The following ARHGAP15 variants were observed in gnomAD, a reference collection of about 807,000 sequenced individuals.
ARHGAP15 encodes the protein Rho GTPase activating protein 15.
A neutral mutation model predicts 63.7 loss-of-function variants in ARHGAP15; 51 were observed. The observed-to-expected ratio is 0.80, with a 90% CI of 0.64 to 1.01. The LOEUF is 1.01. Ranked by LOEUF, ARHGAP15 falls within the 50% of genes least tolerant of loss-of-function variation. ARHGAP15 has a pLI of 0.00. For missense variants in ARHGAP15, 560 were observed against 564.6 expected (o/e 0.99, Z 0.08); for synonymous variants, 191 against 193.8 (o/e 0.99, Z 0.12).
intron 12 of ARHGAP15, among the ~76,000 whole-genome samples, chr2:143,679,650 T>C (rs10167477): frequency 0.84 from 125,225 of 149,682 alleles, 54,362 homozygotes; most frequent in East Asian, 0.98. Flanking sequence ...GGGGTGCGTG[T>C]GTGCGTGTGT....
intron 12 of ARHGAP15, among the ~76,000 whole-genome samples, chr2:143,687,979 TAATA>T (rs555497581): frequency 1.2e-3 from 177 of 152,260 alleles, no homozygotes; most frequent in African/African-American, 3.5e-3. Context: ...GATTAAAAAA[TAATA>T]AATATTTATT....
At chr2:143,448,025 A>T (rs774078469) in intron 8 of ARHGAP15, among the ~76,000 whole-genome samples, 1 of 152,292 alleles carries the variant, frequency 6.6e-6, no homozygotes, top group African/African-American at 2.4e-5. Context: ...GAACATACCT[A>T]TGAAGGAGAA....
At chr2:143,334,374 T>C (rs948920766) in intron 6 of ARHGAP15, among the ~76,000 whole-genome samples, 2 of 152,222 alleles carry the variant, frequency 1.3e-5, no homozygotes, top group African/African-American at 4.8e-5. Flanking sequence ...CCTTATTTTT[T>C]TCTAGACTTA....
At chr2:143,720,194 G>A (rs2105460774) in intron 13 of ARHGAP15, among the ~76,000 whole-genome samples, 1 of 152,270 alleles carries the variant, frequency 6.6e-6, no homozygotes, top group African/African-American at 2.4e-5. Flanking sequence ...CATGAATGCA[G>A]CTACCTGAAA....
chr2:143,571,149 C>A (rs751841500), intron 11 of ARHGAP15, among the ~76,000 whole-genome samples: 1 of 152,206 alleles, frequency 6.6e-6, no homozygotes, highest in Non-Finnish European at 1.5e-5. Flanking sequence ...TCTCCCATAA[C>A]CCCCAAATGG....
At chr2:143,721,982 T>C (rs868426569) in intron 13 of ARHGAP15, among the ~76,000 whole-genome samples, 16 of 152,296 alleles carry the variant, frequency 1.1e-4, no homozygotes, top group South Asian at 8.3e-4. Context: ...CTTAAACTTA[T>C]GTTATGCAAA....
chr2:143,317,551 G>A (rs1243068692), intron 6 of ARHGAP15, among the ~76,000 whole-genome samples: 1 of 152,202 alleles, frequency 6.6e-6, no homozygotes, highest in African/African-American at 2.4e-5. Flanking sequence ...CAAATAGCAA[G>A]CTTTAGGGCT....
At chr2:143,471,017 A>G (rs1406175345) in intron 8 of ARHGAP15, among the ~76,000 whole-genome samples, 1 of 149,354 alleles carries the variant, frequency 6.7e-6, no homozygotes, top group Non-Finnish European at 1.5e-5. Context: ...TAAAGAAGAT[A>G]TGAATATGTG....
At chr2:143,596,600 A>G (rs1173629075) in intron 11 of ARHGAP15, among the ~76,000 whole-genome samples, 1 of 152,152 alleles carries the variant, frequency 6.6e-6, no homozygotes, top group South Asian at 2.1e-4. Context: ...ATTTGCCTAA[A>G]ATAATCTCTG....
At chr2:143,697,449 T>C (rs1379412538) in intron 12 of ARHGAP15, among the ~76,000 whole-genome samples, 1 of 152,230 alleles carries the variant, frequency 6.6e-6, no homozygotes, top group Non-Finnish European at 1.5e-5. Flanking sequence ...ATAATTTTTC[T>C]GTATTTTCAA....
intron 10 of ARHGAP15, among the ~76,000 whole-genome samples, chr2:143,531,702 G>A (rs1300414569): frequency 6.6e-6 from 1 of 152,162 alleles, no homozygotes; most frequent in Non-Finnish European, 1.5e-5. Flanking sequence ...TACAGATATT[G>A]TGTCATTTAC....
At chr2:143,586,899 A>ATCTCTCTC (rs1216029870) in intron 11 of ARHGAP15, among the ~76,000 whole-genome samples, 2 of 149,166 alleles carry the variant, frequency 1.3e-5, no homozygotes, top group South Asian at 4.3e-4. Flanking sequence ...CAATCTCTCA[A>ATCTCTCTC]TCTCTCTCTC....
intron 13 of ARHGAP15, among the ~76,000 whole-genome samples, chr2:143,735,888 C>T (rs1414568362): frequency 6.6e-6 from 1 of 152,204 alleles, no homozygotes; most frequent in African/African-American, 2.4e-5. Flanking sequence ...TTAAGGAGCG[C>T]TGGTGCCTAT....
chr2:143,447,231 T>C (rs900950817), intron 8 of ARHGAP15, among the ~76,000 whole-genome samples: 5 of 152,212 alleles, frequency 3.3e-5, no homozygotes, highest in African/African-American at 1.2e-4. Flanking sequence ...GGTAGAATTT[T>C]GACAGAGAGT....
intron 6 of ARHGAP15, among the ~76,000 whole-genome samples, chr2:143,418,583 T>C (rs901263617): frequency 1.3e-5 from 2 of 152,170 alleles, no homozygotes; most frequent in Admixed American, 6.5e-5. Flanking sequence ...TATTTAAAGT[T>C]CACATAAAAG....
intron 9 of ARHGAP15, among the ~76,000 whole-genome samples, chr2:143,508,346 C>A (rs564575146): frequency 4.6e-5 from 7 of 152,292 alleles, no homozygotes; most frequent in Middle Eastern, 3.4e-3. Context: ...CTGGCAACAC[C>A]AATAGCTCTC....
chr2:143,133,962 T>G (rs1689012024), intron 1 of ARHGAP15, among the ~76,000 whole-genome samples: 1 of 152,216 alleles, frequency 6.6e-6, no homozygotes, highest in Admixed American at 6.5e-5. Flanking sequence ...ACTAAGGAAC[T>G]AATTCTCTTT....
chr2:143,556,301 T>C, intron 10 of ARHGAP15, 107 bp from the exon 11 acceptor site: 1 of 837,132 alleles, frequency 1.2e-6, no homozygotes, highest in Non-Finnish European at 1.8e-6. Context: ...AAATTGGTTT[T>C]ATCTGAGAAG....
At chr2:143,510,151 A>G (rs1342533677) in intron 9 of ARHGAP15, among the ~76,000 whole-genome samples, 1 of 152,080 alleles carries the variant, frequency 6.6e-6, no homozygotes, top group Non-Finnish European at 1.5e-5. Flanking sequence ...AAAAGATGGA[A>G]TTATTAAATT....
Sources: allele counts gnomAD v4.1 joint callset (sites outside exome capture counted in the v4.1 genomes callset), GRCh38; gene constraint gnomAD v4.1.1; transcripts MANE v1.5; gene names NCBI Gene and HGNC (gene_info 2026-07-23, HGNC 2026-07-21).